Variants in PREX2 observed in about 807,000 individuals in gnomAD.
PREX2 encodes the protein phosphatidylinositol 3,4,5-trisphosphate-dependent Rac exchanger 2 protein.
PREX2 carries 107 observed loss-of-function variants against 203.2 expected under a neutral mutation model. That is an observed-to-expected ratio of 0.53 (90% CI 0.45 to 0.62). The LOEUF is 0.62. PREX2 is among the 20% of genes least tolerant of loss of function. The pLI is 0.00. For synonymous variants in PREX2, 672 were observed against 663.6 expected (o/e 1.01, Z -0.19); for missense variants, 1,777 against 1,955.9 (o/e 0.91, Z 1.72).
intron 33 of PREX2, 54 bp from the exon 34 acceptor site, chr8:68,146,155 C>T: frequency 8.1e-7 from 1 of 1,241,596 alleles, no homozygotes; most frequent in Non-Finnish European, 1.1e-6. Context: ...AACAAAAGTA[C>T]CATCTAGCAT....
At chr8:68,007,583 G>A (rs770871704) in intron 1 of PREX2, among the ~76,000 whole-genome samples, 67 of 152,142 alleles carry the variant, frequency 4.4e-4, no homozygotes, top group Non-Finnish European at 1.8e-4. Flanking sequence ...AACAGCAAAC[G>A]TAGACATTGA....
In PREX2 at chr8:68,158,828, C is replaced by T. The variant is rs78069513; in HGVS notation, c.4346+1392C>T. Among the ~76,000 whole-genome samples, 20 of 152,188 alleles carry T rather than the reference C, an allele frequency of 1.3e-4. No homozygotes were observed. In the East Asian group the frequency reaches 3.7e-3, roughly 28 times the overall value. ...TTTGATCAAAAATCTTTCTTCTTAA[C>T]AGCATTGATGATCAAAATTTGAGTT... On this transcript the variant is annotated intron_variant, in intron 35 of 39. Coordinates refer to ENST00000288368, the MANE Select transcript of PREX2 (RefSeq NM_024870.4).
chr8:67,978,603 C>T (rs908947721), intron 1 of PREX2, among the ~76,000 whole-genome samples: 1 of 152,102 alleles, frequency 6.6e-6, no homozygotes, highest in African/African-American at 2.4e-5. Context: ...TTCATCCATT[C>T]TACTCTTGGT....
chr8:68,142,725 G>A (rs1402693281), intron 33 of PREX2, among the ~76,000 whole-genome samples: 3 of 152,148 alleles, frequency 2.0e-5, no homozygotes, highest in Non-Finnish European at 4.4e-5. Flanking sequence ...GAGTGGCTAT[G>A]TGCATGGAGA....
intron 1 of PREX2, among the ~76,000 whole-genome samples, chr8:67,976,749 C>G (rs576359832): frequency 0.015 from 618 of 40,616 alleles, 34 homozygotes; most frequent in Middle Eastern, 0.067. Context: ...GAGAGAGATG[C>G]GAGAGAGACA....
intron 6 of PREX2, 85 bp from the exon 7 acceptor site, chr8:68,038,074 C>A (rs1314154707): frequency 7.1e-7 from 1 of 1,412,498 alleles, no homozygotes; most frequent in South Asian, 1.3e-5. Context: ...AAAATAAAAA[C>A]AACCATAATT....
At chr8:68,128,078 C>T (rs1810932393) in intron 31 of PREX2, among the ~76,000 whole-genome samples, 2 of 152,072 alleles carry the variant, frequency 1.3e-5, no homozygotes, top group South Asian at 4.1e-4. Flanking sequence ...GGTTTTCATT[C>T]AAAATGCATT....
chr8:68,077,682 C>G (rs1809391174), intron 15 of PREX2, among the ~76,000 whole-genome samples: 3 of 152,108 alleles, frequency 2.0e-5, no homozygotes, highest in Admixed American at 6.5e-5. Context: ...TACCAATTGC[C>G]ATGACTACTA....
intron 35 of PREX2, among the ~76,000 whole-genome samples, chr8:68,165,867 G>A (rs1208003581): frequency 2.0e-5 from 3 of 152,164 alleles, no homozygotes; most frequent in Non-Finnish European, 2.9e-5. Context: ...GATGTCCATA[G>A]TGTTATATAT....
chr8:68,223,085 C>T (rs1812987851), intron 38 of PREX2, among the ~76,000 whole-genome samples: 1 of 152,008 alleles, frequency 6.6e-6, no homozygotes, highest in African/African-American at 2.4e-5. Flanking sequence ...AGAAAAGAAA[C>T]CTTAGTGGGA....
chr8:68,115,940 A>G lies in PREX2; in HGVS notation c.3326+8A>G. ...CAACAGAGACTCTTACAGGTAATTC[A>G]CTAATTCCTCAAACTCATTTTCTTA... On this transcript the variant is annotated splice_region_variant and intron_variant, in intron 26 of 39. Coordinates refer to ENST00000288368, the MANE Select transcript of PREX2 (RefSeq NM_024870.4). 6.3e-7 allele frequency: 1 copy of G among 1,576,698 alleles called. No individual in the cohort carries two copies. Among genetic ancestry groups the G allele is most frequent in the Non-Finnish European group, 8.6e-7 (1 of 1,161,376 alleles).
rs529150626 is a variant in PREX2 at position 68,013,512 on chromosome 8, T to C, written c.142-4334T>C. 2.0e-5 allele frequency among the ~76,000 whole-genome samples: 3 copies of C among 152,238 alleles called. No homozygotes were observed. In the South Asian group the frequency reaches 6.2e-4, roughly 32 times the overall value. ...AAAACCTTCTTCACTTTCAGTCTTC[T>C]CCATTCCAGTGATGCCACTACCAAC... On this transcript the variant is annotated intron_variant, in intron 1 of 39. Coordinates refer to ENST00000288368, the MANE Select transcript of PREX2 (RefSeq NM_024870.4).
chr8:67,993,398 GTCTTTTTTTTTT>G (rs1162553226), intron 1 of PREX2, among the ~76,000 whole-genome samples: 6 of 132,144 alleles, frequency 4.5e-5, no homozygotes, highest in African/African-American at 1.7e-4. Context: ...TATTACTTCA[GTCTTTTTTTTTT>G]TCTTTTTTTT....
At chr8:68,108,590 C>T (rs139318999) in intron 24 of PREX2, among the ~76,000 whole-genome samples, 15 of 152,152 alleles carry the variant, frequency 9.9e-5, no homozygotes, top group Non-Finnish European at 2.1e-4. Context: ...ATAGGCACAG[C>T]TCATCTTGCT....
intron 39 of PREX2, among the ~76,000 whole-genome samples, chr8:68,229,661 T>G (rs1813127966): frequency 6.6e-6 from 1 of 152,170 alleles, no homozygotes; most frequent in Non-Finnish European, 1.5e-5. Flanking sequence ...CCAGTGCTAT[T>G]AGTTACATTA....
intron 35 of PREX2, among the ~76,000 whole-genome samples, chr8:68,191,299 GTTC>G (rs1812287923): frequency 6.6e-6 from 1 of 152,102 alleles, no homozygotes. Context: ...ATTGGATAAC[GTTC>G]TTCAATAGTC....
At chr8:68,052,259 C>T (rs544397024) in intron 8 of PREX2, among the ~76,000 whole-genome samples, 44 of 152,238 alleles carry the variant, frequency 2.9e-4, no homozygotes, top group African/African-American at 9.6e-4. Context: ...AGGCCTCTGT[C>T]GTAGGTTTTT....
intron 37 of PREX2, among the ~76,000 whole-genome samples, chr8:68,211,724 G>A (rs1812745627): frequency 6.6e-6 from 1 of 152,168 alleles, no homozygotes; most frequent in African/African-American, 2.4e-5. Context: ...GAAAGACAGA[G>A]TAAAAATGGA....
At chr8:67,981,968 T>C (rs1806285999) in intron 1 of PREX2, among the ~76,000 whole-genome samples, 1 of 152,222 alleles carries the variant, frequency 6.6e-6, no homozygotes, top group South Asian at 2.1e-4. Context: ...ATACTCTATC[T>C]GGTTTAATCA....
Sources: allele counts gnomAD v4.1 joint callset (sites outside exome capture counted in the v4.1 genomes callset), GRCh38; gene constraint gnomAD v4.1.1; transcripts MANE v1.5; gene names NCBI Gene and HGNC (gene_info 2026-07-23, HGNC 2026-07-21).